CDC123: variants seen among roughly 807,000 people sequenced by gnomAD.
CDC123 encodes cell division cycle 123.
A neutral mutation model predicts 54.4 loss-of-function variants in CDC123; 37 were observed. The ratio of observed to expected loss-of-function variants is 0.68; its 90% CI spans 0.52 to 0.89. CDC123 has a LOEUF of 0.89. Among genes scored for constraint, CDC123 ranks in the 40% least tolerant of loss-of-function variants. CDC123 has a pLI of 0.00. For missense variants in CDC123, 361 were observed against 412.1 expected (o/e 0.88, Z 1.07); for synonymous variants, 144 against 136.8 (o/e 1.05, Z -0.37).
chr10:12,246,303 A>G (rs36042706), intron 11 of CDC123, 26 bp downstream of exon 11: 876,937 of 1,611,478 alleles, frequency 0.54, 241,667 homozygotes, highest in Middle Eastern at 0.59. Context: ...GACAGATACA[A>G]TGTAAACCTT....
intron 7 of CDC123, 40 bp downstream of exon 7, chr10:12,231,036 G>T (rs765564450): frequency 3.3e-6 from 5 of 1,527,692 alleles, no homozygotes; most frequent in South Asian, 1.2e-5. Context: ...AGATGAAGAT[G>T]TGTTGAGAAT....
At chr10:12,204,092 C>A (rs1253273196) in intron 2 of CDC123, among the ~76,000 whole-genome samples, 216 of 131,046 alleles carry the variant, frequency 1.6e-3, no homozygotes, top group Non-Finnish European at 1.9e-3. Flanking sequence ...GACCTTGTCT[C>A]AAAAAAAAAA....
chr10:12,208,097 G>A lies in CDC123; in HGVS notation c.147-1870G>A, dbSNP rs544665881. Among the ~76,000 whole-genome samples the A allele has an allele frequency of 7.8e-4, 119 of 152,162 alleles. 2 individuals carry two copies. Among genetic ancestry groups the A allele is most frequent in the Admixed American group, 3.1e-3 (47 of 15,284 alleles). Reference sequence around the variant, plus strand: ...CCTTTTCACTCAGCATTGTCCTTGGGATCTTTTTTTTAGTAGAGTTTCCAG... The same window carrying A: ...CCTTTTCACTCAGCATTGTCCTTGGAATCTTTTTTTTAGTAGAGTTTCCAG... On this transcript the variant is annotated intron_variant, in intron 2 of 12. Coordinates refer to ENST00000281141, the MANE Select transcript of CDC123 (RefSeq NM_006023.3).
chr10:12,249,760 A>G (rs1405428754), intron 12 of CDC123, 42 bp downstream of exon 12: 1 of 1,558,718 alleles, frequency 6.4e-7, no homozygotes, highest in Admixed American at 2.1e-5. Context: ...ATCTTTTCAA[A>G]TAGACCTTCA....
At chr10:12,244,026 C>A (rs1836095238) in intron 10 of CDC123, among the ~76,000 whole-genome samples, 1 of 152,120 alleles carries the variant, frequency 6.6e-6, no homozygotes, top group Admixed American at 6.6e-5. Flanking sequence ...TCTCCTGGGG[C>A]TTGTATAAAA....
rs1460018394 is a variant in CDC123 at position 12,246,169 on chromosome 10, C to A, written c.738C>A (p.Asp246Glu). 9.9e-6 allele frequency: 16 copies of A among 1,614,090 alleles called. No homozygotes were observed. The highest frequency in any genetic ancestry group is 1.2e-5 in the Non-Finnish European group (14 of 1,179,998). Residue 246 changes from aspartate (D) to glutamate (E), a missense_variant, in exon 11 of 13, where the codon GAC becomes GAA. Asp to Glu is a conservative substitution (Grantham distance 45, BLOSUM62 2). Transcript: ENST00000281141. Reference protein sequence around the residue: ...RDSRGKVWLIDFNPFGEVTDS... With the variant: ...RDSRGKVWLIEFNPFGEVTDS... ...TACAGGGGAAGGTGTGGCTCATTGACTTTAATCCATTTGGTGAAGTCACAG... is the reference window on the plus strand; with the variant it reads ...TACAGGGGAAGGTGTGGCTCATTGAATTTAATCCATTTGGTGAAGTCACAG...
chr10:12,222,651 C>T (rs1345021872), intron 6 of CDC123, among the ~76,000 whole-genome samples: 1 of 152,070 alleles, frequency 6.6e-6, no homozygotes, highest in Non-Finnish European at 1.5e-5. Flanking sequence ...GAAAAAAGGG[C>T]TGAGTGAAAA....
intron 6 of CDC123, among the ~76,000 whole-genome samples, chr10:12,226,458 G>C (rs1012023097): frequency 2.6e-5 from 4 of 152,102 alleles, no homozygotes; most frequent in African/African-American, 7.2e-5. Flanking sequence ...TCACTTCCCA[G>C]ACGGGGCGGC....
At chr10:12,230,848 T>C in intron 6 of CDC123, 100 bp from the exon 7 acceptor site, 1 of 1,108,016 alleles carries the variant, frequency 9.0e-7, no homozygotes, top group Non-Finnish European at 1.3e-6. Context: ...CTGGATGCTT[T>C]TAGTAAAACG....
rs1588687041 is a variant in CDC123 at position 12,249,616 on chromosome 10, G to A, written c.882G>A (p.Val294=). ...SPAFRCTNSE[V]TVQPSPYLSY... ...CTTTCCGTTGCACAAACAGTGAAGTGACAGTCCAGCCCAGCCCCTATTTGA... is the reference window on the plus strand; with the variant it reads ...CTTTCCGTTGCACAAACAGTGAAGTAACAGTCCAGCCCAGCCCCTATTTGA... The change falls in exon 12 of 13, where the codon GTG becomes GTA. Residue 294 remains valine (V), a synonymous_variant. Coordinates refer to ENST00000281141, the MANE Select transcript of CDC123 (RefSeq NM_006023.3). The A allele has an allele frequency of 6.2e-7, 1 of 1,614,122 alleles. No individual in the cohort carries two copies. The highest frequency in any genetic ancestry group is 8.5e-7 in the Non-Finnish European group (1 of 1,180,014).
rs569088797 is a variant in CDC123 at position 12,226,217 on chromosome 10, C to G, written c.441-4731C>G. On this transcript the variant is annotated intron_variant, in intron 6 of 12. Coordinates refer to ENST00000281141, the MANE Select transcript of CDC123 (RefSeq NM_006023.3). ...TCTTTCCTTTCCCCACACTTCCCCC[C>G]CTTCCACTCAACAAAACCGCCATCG... 8.2e-4 allele frequency among the ~76,000 whole-genome samples: 125 copies of G among 152,334 alleles called. 2 individuals carry two copies. In the East Asian group the frequency reaches 0.011, roughly 13 times the overall value.
intron 5 of CDC123, among the ~76,000 whole-genome samples, chr10:12,216,930 C>T (rs976915645): frequency 2.0e-5 from 3 of 152,148 alleles, no homozygotes; most frequent in Non-Finnish European, 4.4e-5. Flanking sequence ...CTGCTCCAGC[C>T]GCCAAAGTTC....
At chr10:12,211,143 A>G (rs1486841849) in intron 4 of CDC123, among the ~76,000 whole-genome samples, 3 of 152,240 alleles carry the variant, frequency 2.0e-5, no homozygotes, top group African/African-American at 7.2e-5. Flanking sequence ...TGCTGTTGTG[A>G]AAGTTAACCT....
intron 8 of CDC123, among the ~76,000 whole-genome samples, chr10:12,235,598 C>T (rs1835968665): frequency 6.6e-6 from 1 of 152,184 alleles, no homozygotes; most frequent in Non-Finnish European, 1.5e-5. Flanking sequence ...TCTCAGGTTA[C>T]TGTTCTGTTT....
At chr10:12,236,623 G>C (rs963678207) in intron 8 of CDC123, among the ~76,000 whole-genome samples, 1 of 150,738 alleles carries the variant, frequency 6.6e-6, no homozygotes, top group East Asian at 1.9e-4. Flanking sequence ...GGCCAGGTGC[G>C]GTGGCTTACA....
chr10:12,214,967 TCTTA>T (rs1835644859), intron 4 of CDC123, among the ~76,000 whole-genome samples: 2 of 152,184 alleles, frequency 1.3e-5, no homozygotes, highest in East Asian at 3.8e-4. Context: ...CTTCCCCCTC[TCTTA>T]CTTACCTTTT....
At chr10:12,232,055 C>T (rs965149403) in intron 7 of CDC123, among the ~76,000 whole-genome samples, 17 of 152,080 alleles carry the variant, frequency 1.1e-4, no homozygotes, top group African/African-American at 4.1e-4. Flanking sequence ...CCATGTTGGC[C>T]AGGCTGGTCT....
chr10:12,236,801 G>A (rs1835982775), intron 8 of CDC123, among the ~76,000 whole-genome samples: 1 of 152,124 alleles, frequency 6.6e-6, no homozygotes, highest in African/African-American at 2.4e-5. Context: ...GGCTGAGGCA[G>A]GAGAATCGCT....
Position 12,250,488 on chromosome 10 carries a change from A to G in CDC123, c.*151A>G, listed in dbSNP as rs1328705414. The G allele has an allele frequency of 4.2e-6, 3 of 714,764 alleles. No individual in the cohort carries two copies. The highest frequency in any genetic ancestry group is 4.2e-5 in the Admixed American group (2 of 47,652). 44.3% of individuals were successfully genotyped at this position (714,764 alleles called of 1,614,324 possible). On this transcript the variant is annotated 3_prime_UTR_variant, in exon 13 of 13. Coordinates refer to ENST00000281141, the MANE Select transcript of CDC123 (RefSeq NM_006023.3). The stretch of plus-strand genomic sequence containing the variant: ...TATTCATGTACATTCACCTGGGGAA[A>G]AAAACGGAGGGACTTTGCTACTTGT...
Sources: gnomAD v4.1 joint callset for allele counts (sites outside exome capture counted in the v4.1 genomes callset) on GRCh38, gnomAD v4.1.1 for gene constraint, MANE v1.5 for transcripts, NCBI Gene and HGNC (gene_info 2026-07-23, HGNC 2026-07-21) for gene names.